The following PPM1E variants were observed in gnomAD, a reference collection of about 807,000 sequenced individuals.
The protein encoded by PPM1E is protein phosphatase 1E.
Under a neutral mutation model 65.9 loss-of-function variants are expected in PPM1E, and 20 were observed. That is an observed-to-expected ratio of 0.30 (90% confidence interval 0.21 to 0.44). The LOEUF is 0.44. Ranked by LOEUF, PPM1E falls within the 20% of genes least tolerant of loss-of-function variation. The pLI is 1.00. For synonymous variants in PPM1E, 352 were observed against 374.9 expected (o/e 0.94, Z 0.70); for missense variants, 713 against 953.1 (o/e 0.75, Z 3.32).
chr17:58,762,723 T>C lies in PPM1E; in HGVS notation c.464+6262T>C, dbSNP rs892232127. Among the ~76,000 whole-genome samples the C allele has an allele frequency of 3.3e-5, 5 of 151,692 alleles. No homozygotes were observed. In the Admixed American group the frequency reaches 3.3e-4, roughly 10 times the overall value. ...CCATCCCGGCTAAAACGGTGAAACC[T>C]CGTCTCTACTAAAAATACAAAAAAA... On this transcript the variant is annotated intron_variant, in intron 1 of 6. Transcript: ENST00000308249.
chr17:58,786,566 A>G (rs1366793050), intron 1 of PPM1E, among the ~76,000 whole-genome samples: 1 of 152,206 alleles, frequency 6.6e-6, no homozygotes, highest in African/African-American at 2.4e-5. Flanking sequence ...ACGGAGTGGG[A>G]TGATGCAAGA....
At chr17:58,812,307 A>G (rs1200079346) in intron 1 of PPM1E, among the ~76,000 whole-genome samples, 1 of 144,612 alleles carries the variant, frequency 6.9e-6, no homozygotes, top group Non-Finnish European at 1.5e-5. Context: ...CTGTTTCAAA[A>G]AAAAAAAAAA....
At chr17:58,778,927 C>CATACATATATATATAT (rs964133373) in intron 1 of PPM1E, among the ~76,000 whole-genome samples, 1 of 103,708 alleles carries the variant, frequency 9.6e-6, no homozygotes, top group African/African-American at 3.5e-5. Flanking sequence ...ATGATACATA[C>CATACATATATATATAT]ATATATATAT....
chr17:58,823,856 G>A (rs998329833), intron 1 of PPM1E, among the ~76,000 whole-genome samples: 7 of 151,420 alleles, frequency 4.6e-5, no homozygotes, highest in African/African-American at 7.3e-5. Flanking sequence ...TCAGCCTCCC[G>A]AGTAGCTGGA....
At chr17:58,787,924 A>T (rs1160413228) in intron 1 of PPM1E, among the ~76,000 whole-genome samples, 1 of 151,566 alleles carries the variant, frequency 6.6e-6, no homozygotes, top group African/African-American at 2.4e-5. Flanking sequence ...AAAAAAAAGA[A>T]AAGAAAGAAA....
At chr17:58,845,933 G>A (rs908903422) in intron 1 of PPM1E, among the ~76,000 whole-genome samples, 7 of 152,102 alleles carry the variant, frequency 4.6e-5, no homozygotes, top group Admixed American at 2.0e-4. Flanking sequence ...TGCCGAACTC[G>A]GCCTCCCAAA....
intron 1 of PPM1E, among the ~76,000 whole-genome samples, chr17:58,850,521 C>A (rs917787148): frequency 3.9e-5 from 6 of 152,132 alleles, no homozygotes; most frequent in Non-Finnish European, 5.9e-5. Flanking sequence ...GATTTTATTT[C>A]TCCTTCACTT....
At chr17:58,763,267 G>A (rs879792185) in intron 1 of PPM1E, among the ~76,000 whole-genome samples, 23 of 152,186 alleles carry the variant, frequency 1.5e-4, no homozygotes, top group Middle Eastern at 3.4e-3. Flanking sequence ...TTTAACCTGT[G>A]GTTTCCAACG....
chr17:58,849,471 G>A (rs1413756154), intron 1 of PPM1E, among the ~76,000 whole-genome samples: 1 of 152,150 alleles, frequency 6.6e-6, no homozygotes, highest in Non-Finnish European at 1.5e-5. Context: ...GGTATGTTGT[G>A]TGTTTGTTCT....
At chr17:58,766,582 T>C (rs1005265150) in intron 1 of PPM1E, among the ~76,000 whole-genome samples, 3 of 145,040 alleles carry the variant, frequency 2.1e-5, no homozygotes, top group Non-Finnish European at 3.0e-5. Flanking sequence ...TTTTGAGAAG[T>C]ATATTGTACT....
At chr17:58,974,539 GC>G (rs1409377463) in intron 6 of PPM1E, among the ~76,000 whole-genome samples, 2 of 152,046 alleles carry the variant, frequency 1.3e-5, no homozygotes, top group African/African-American at 2.4e-5. Flanking sequence ...CTCACTTTGG[GC>G]CCTGGGTTTA....
At chr17:58,948,365 T>C (rs1567884912) in intron 1 of PPM1E, among the ~76,000 whole-genome samples, 1 of 152,134 alleles carries the variant, frequency 6.6e-6, no homozygotes, top group Non-Finnish European at 1.5e-5. Context: ...TTTCCCAAAG[T>C]CTAATCCCAT....
At chr17:58,791,676 G>C (rs138460819) in intron 1 of PPM1E, among the ~76,000 whole-genome samples, 1 of 152,302 alleles carries the variant, frequency 6.6e-6, no homozygotes, top group Non-Finnish European at 1.5e-5. Flanking sequence ...GAATAGGGCA[G>C]TATTTTCCTG....
chr17:58,980,996 T>G lies in PPM1E; in HGVS notation c.2233T>G (p.Cys745Gly). Residue 745 changes from cysteine (C) to glycine (G), a missense_variant, in exon 7 of 7, where the codon TGC (cysteine) becomes GGC (glycine). Around this residue, in one of 6 missense-constraint regions of PPM1E, gnomAD observed 286 missense variants for 313.8 expected, o/e 0.91. Coordinates refer to ENST00000308249, the MANE Select transcript of PPM1E (RefSeq NM_014906.5). The surrounding 1 kb of genome is among the most constrained non-coding windows in gnomAD (Gnocchi z 4.7). ...RKLRKTHDIP[C>G]PDLPWSYKIE The stretch of plus-strand genomic sequence containing the variant: ...GCTCAGAAAGACTCATGATATTCCA[T>G]GCCCAGATCTTCCTTGGAGCTATAA... The G allele has an allele frequency of 6.2e-7, 1 of 1,612,144 alleles. No individual in the cohort carries two copies. Among genetic ancestry groups the G allele is most frequent in the Non-Finnish European group, 8.5e-7 (1 of 1,179,440 alleles).
chr17:58,952,509 T>G (rs2052253542), intron 1 of PPM1E, among the ~76,000 whole-genome samples: 1 of 152,256 alleles, frequency 6.6e-6, no homozygotes, highest in East Asian at 1.9e-4. Context: ...GTGAGGCTGT[T>G]TATCAGGCCA....
At chr17:58,847,411 A>G (rs958096800) in intron 1 of PPM1E, among the ~76,000 whole-genome samples, 24 of 152,140 alleles carry the variant, frequency 1.6e-4, no homozygotes, top group Admixed American at 5.9e-4. Context: ...TAGGTCTAAC[A>G]TTTAAGTCTT....
chr17:58,868,635 T>C lies in PPM1E; in HGVS notation c.465-87014T>C, dbSNP rs1187169128. Among the ~76,000 whole-genome samples the C allele has an allele frequency of 2.6e-5, 4 of 151,120 alleles. No homozygotes were observed. In the East Asian group the frequency reaches 7.8e-4, roughly 29 times the overall value. ...GTCAGTTTTGGAGTTTAAAAAGGCT[T>C]TTTAGGGGTTTTAATTGGTTGGACA... On this transcript the variant is annotated intron_variant, in intron 1 of 6. Transcript: ENST00000308249.
At chr17:58,948,952 T>A (rs928408825) in intron 1 of PPM1E, among the ~76,000 whole-genome samples, 5 of 152,246 alleles carry the variant, frequency 3.3e-5, no homozygotes, top group Non-Finnish European at 5.9e-5. Flanking sequence ...TGGAGAATGT[T>A]CCATTTGCTA....
At chr17:58,979,854 C>T in intron 6 of PPM1E, 120 bp from the exon 7 acceptor site, 1 of 748,028 alleles carries the variant, frequency 1.3e-6, no homozygotes, top group Non-Finnish European at 2.1e-6. Flanking sequence ...AAATTCTTTC[C>T]AGTCAAGTCA....
Sources: allele counts gnomAD v4.1 joint callset (sites outside exome capture counted in the v4.1 genomes callset), GRCh38; gene constraint gnomAD v4.1.1; regional missense constraint gnomAD v4.1.1; non-coding constraint Gnocchi (gnomAD v3.1); transcripts MANE v1.5; gene names NCBI Gene and HGNC (gene_info 2026-07-23, HGNC 2026-07-21).